RIMBP2: variants seen among roughly 807,000 people sequenced by gnomAD.
RIMBP2 encodes the protein RIMS-binding protein 2.
In RIMBP2, 48 loss-of-function variants were observed where a neutral mutation model predicts 118.6. That is an observed-to-expected ratio of 0.40 (90% CI 0.32 to 0.51). The LOEUF (loss-of-function observed/expected upper bound fraction) is 0.51. RIMBP2 is among the 20% of genes least tolerant of loss of function. The pLI, the probability that RIMBP2 is intolerant of heterozygous loss-of-function variation, is 0.41. For missense variants in RIMBP2, 1,551 were observed against 1,768.3 expected, an observed-to-expected ratio of 0.88 and a Z score of 2.20; for synonymous variants, 762 against 742.9, an observed-to-expected ratio of 1.03 and a Z score of -0.42.
In RIMBP2 at chr12:130,548,775, T is replaced by C. The variant is rs536768416; in HGVS notation, c.-216-30858A>G. On this transcript the variant is annotated intron_variant, in intron 2 of 22. Transcript: ENST00000690449. ...TTTTAGTAGAGACGGGGTTTCACCATGTTGACCAGGCTGGTCTCAAATTCC... is the reference window on the plus strand; with the variant it reads ...TTTTAGTAGAGACGGGGTTTCACCACGTTGACCAGGCTGGTCTCAAATTCC... Among the ~76,000 whole-genome samples the C allele has an allele frequency of 4.0e-5, 6 of 151,364 alleles. No individual in the cohort carries two copies. The East Asian group carries it at 5.9e-4, about 15-fold the overall frequency.
intron 2 of RIMBP2, among the ~76,000 whole-genome samples, chr12:130,560,541 C>T (rs746253929): frequency 7.9e-5 from 12 of 152,152 alleles, no homozygotes; most frequent in Non-Finnish European, 1.2e-4. Context: ...CACTCCCATC[C>T]GCTTTGAGAT....
chr12:130,525,914 G>A lies in RIMBP2; in HGVS notation c.-216-7997C>T, dbSNP rs553257128. On this transcript the variant is annotated intron_variant, in intron 2 of 22. Coordinates refer to ENST00000690449, the MANE Select transcript of RIMBP2 (RefSeq NM_001393629.1). This position sits in a 1 kb window ranked among gnomAD's most constrained non-coding sequence, Gnocchi z 4.4. ...GCTCAAGGAGGTTAAGTAACTGAGC[G>A]AGCAGCCTCCCCCGAGCATGTGGAG... is the stretch of plus-strand genomic sequence containing the variant. Among the ~76,000 whole-genome samples the A allele has an allele frequency of 4.6e-5, 7 of 152,126 alleles. No individual in the cohort carries two copies. The highest frequency in any genetic ancestry group is 7.2e-5 in the African/African-American group (3 of 41,438).
chr12:130,454,527 A>G (rs2079256726), intron 7 of RIMBP2, among the ~76,000 whole-genome samples: 1 of 152,188 alleles, frequency 6.6e-6, no homozygotes, highest in African/African-American at 2.4e-5. Flanking sequence ...GGATATGGGC[A>G]TGGGCCATGC....
intron 2 of RIMBP2, among the ~76,000 whole-genome samples, chr12:130,545,805 C>T (rs150161235): frequency 1.5e-4 from 23 of 152,322 alleles, no homozygotes; most frequent in African/African-American, 5.1e-4. Context: ...ACCAGAAGCA[C>T]GTGAGAACGT....
intron 15 of RIMBP2, chr12:130,425,068 G>C (rs2076692921): frequency 2.5e-6 from 1 of 393,306 alleles, no homozygotes; most frequent in East Asian, 3.6e-5. Flanking sequence ...GGTGGAGGCT[G>C]AGGCAGAGCA....
At chr12:130,443,320 A>C (rs2078283863) in intron 10 of RIMBP2, among the ~76,000 whole-genome samples, 1 of 152,038 alleles carries the variant, frequency 6.6e-6, no homozygotes, top group Non-Finnish European at 1.5e-5. Flanking sequence ...TATTTTGTGA[A>C]AGTCTAACTT....
chr12:130,411,809 G>A lies in RIMBP2; in HGVS notation c.3589+810C>T, dbSNP rs147241634. On this transcript the variant is annotated intron_variant, in intron 19 of 22. Transcript: ENST00000690449. ...TGTGGATTCTGTCTTGAAACAATGC[G>A]TTTATTAATGCCAAAAAAGGTTGAA... Among the ~76,000 whole-genome samples the A allele has an allele frequency of 4.3e-3, 655 of 151,780 alleles. 6 individuals are homozygous for A. Among genetic ancestry groups the A allele is most frequent in the African/African-American group, 0.015 (617 of 41,296 alleles).
At chr12:130,521,172 T>C (rs1433894201) in intron 2 of RIMBP2, among the ~76,000 whole-genome samples, 1 of 152,228 alleles carries the variant, frequency 6.6e-6, no homozygotes, top group Non-Finnish European at 1.5e-5. Flanking sequence ...TGACCCTGTG[T>C]GCTACCAGAG....
chr12:130,667,067 G>A, intron 1 of RIMBP2, among the ~76,000 whole-genome samples: 1 of 64,098 alleles, frequency 1.6e-5, no homozygotes, highest in African/African-American at 6.3e-5. Flanking sequence ...AAAGGAAGAA[G>A]GGAGGGAGGA....
chr12:130,516,003 T>C (rs2051413866), intron 3 of RIMBP2, among the ~76,000 whole-genome samples: 1 of 152,234 alleles, frequency 6.6e-6, no homozygotes, highest in African/African-American at 2.4e-5. Context: ...TGACTGCCTT[T>C]TCAATTCTTA....
chr12:130,465,237 T>C (rs2080352137), intron 6 of RIMBP2: 2 of 151,990 alleles, frequency 1.3e-5, no homozygotes, highest in South Asian at 2.1e-4. Flanking sequence ...TCAGGAAAAA[T>C]AGCCGGGCTC....
intron 17 of RIMBP2, among the ~76,000 whole-genome samples, chr12:130,418,016 C>T (rs898385020): frequency 2.6e-5 from 4 of 152,024 alleles, no homozygotes; most frequent in African/African-American, 7.2e-5. Context: ...TGTCCCAGCA[C>T]GAGGAACACA....
chr12:130,514,372 G>A (rs2051221443), intron 3 of RIMBP2, among the ~76,000 whole-genome samples: 1 of 152,236 alleles, frequency 6.6e-6, no homozygotes. Context: ...TCCTGCGGGA[G>A]CAGGGATGTC....
chr12:130,400,576 G>A (rs967833497), intron 21 of RIMBP2, among the ~76,000 whole-genome samples: 1 of 152,062 alleles, frequency 6.6e-6, no homozygotes, highest in Non-Finnish European at 1.5e-5. Context: ...TTCAAAATTG[G>A]CTGGCTCTGG....
intron 5 of RIMBP2, among the ~76,000 whole-genome samples, chr12:130,478,446 G>A (rs1429125040): frequency 6.6e-6 from 1 of 152,126 alleles, no homozygotes; most frequent in Non-Finnish European, 1.5e-5. Context: ...CATCAATTGG[G>A]TCCAGTCCCT....
intron 1 of RIMBP2, among the ~76,000 whole-genome samples, chr12:130,645,431 C>A (rs1025530301): frequency 1.3e-5 from 2 of 152,232 alleles, no homozygotes; most frequent in Non-Finnish European, 2.9e-5. Flanking sequence ...TCCCTCCAGG[C>A]CCCTGAAGTT....
At chr12:130,467,064 T>C (rs117112194) in intron 6 of RIMBP2, among the ~76,000 whole-genome samples, 3,175 of 152,344 alleles carry the variant, frequency 0.021, 92 homozygotes, top group East Asian at 0.16. Flanking sequence ...CCATCGTGCT[T>C]CTAACCTCCA....
intron 1 of RIMBP2, among the ~76,000 whole-genome samples, chr12:130,699,494 C>T (rs1388010933): frequency 6.1e-5 from 9 of 147,676 alleles, no homozygotes; most frequent in East Asian, 2.0e-4. Context: ...AACCAAACGC[C>T]GCATGTTCTC....
chr12:130,626,993 C>T (rs903640612), intron 2 of RIMBP2, among the ~76,000 whole-genome samples: 10 of 152,150 alleles, frequency 6.6e-5, no homozygotes, highest in Middle Eastern at 6.8e-3. Flanking sequence ...TTCTCCATCA[C>T]CATGACTACC....
Sources: gnomAD v4.1 joint callset for allele counts (sites outside exome capture counted in the v4.1 genomes callset) on GRCh38, gnomAD v4.1.1 for gene constraint, Gnocchi (gnomAD v3.1) non-coding constraint, MANE v1.5 for transcripts, NCBI Gene and HGNC (gene_info 2026-07-23, HGNC 2026-07-21) for gene names.